The following TACR2 variants were observed in gnomAD, a reference collection of about 807,000 sequenced individuals.
TACR2 encodes the protein substance-K receptor.
In TACR2, 24 loss-of-function variants were observed where a neutral mutation model predicts 28.9. That is an observed-to-expected ratio of 0.83 (90% CI 0.60 to 1.17). TACR2 has a LOEUF of 1.17. Ranked by LOEUF, TACR2 falls within the 50% of genes most tolerant of loss-of-function variation. The pLI is 0.00. For missense variants in TACR2, 487 were observed against 524.4 expected (o/e 0.93, Z 0.70); for synonymous variants, 222 against 212.6 (o/e 1.04, Z -0.38).
intron 4 of TACR2, among the ~76,000 whole-genome samples, 180 bp downstream of exon 4, chr10:69,406,904 C>A (rs541765346): frequency 3.3e-5 from 5 of 152,258 alleles, no homozygotes; most frequent in African/African-American, 1.2e-4. Context: ...TAGGCCCAGG[C>A]CAGAGGGATT....
At position 69,414,568 on chromosome 10, in the gene TACR2, CA is replaced by C. The variant is rs879263392; in HGVS notation, c.587+376del. 1.8e-3 allele frequency among the ~76,000 whole-genome samples: 273 copies of C among 152,224 alleles called. 2 individuals carry two copies. The highest frequency in any genetic ancestry group is 1.2e-3 in the Non-Finnish European group (80 of 68,022). ...GGGCAGGATTGCTTAGATTTGAATC[CA>C]TAGCTGGATTCAAATGACTAGCTGG... On this transcript the variant is annotated intron_variant, in intron 2 of 4. Transcript: ENST00000373306.
At position 69,416,196 on chromosome 10, in the gene TACR2, A is replaced by G; in HGVS notation, c.128T>C (p.Leu43Pro). 2 of 1,614,210 alleles carry G rather than the reference A, an allele frequency of 1.2e-6. No individual in the cohort carries two copies. Among genetic ancestry groups the G allele is most frequent in the Non-Finnish European group, 1.7e-6 (2 of 1,180,046 alleles). The change falls in exon 1 of 5, where the codon CTG (leucine) becomes CCG (proline). Residue 43 changes from leucine (L) to proline (P), a missense_variant. By Grantham distance (98) the Leu-to-Pro change is moderately conservative. Transcript: ENST00000373306. ...LALWATAYLA[L>P]VLVAVTGNAI... ...ATTACCCGTCACGGCCACCAGCACC[A>G]GGGCCAGGTAGGCTGTGGCCCACAG...
At chr10:69,412,109 C>G (rs186957527) in intron 2 of TACR2, among the ~76,000 whole-genome samples, 1 of 152,188 alleles carries the variant, frequency 6.6e-6, no homozygotes, top group Non-Finnish European at 1.5e-5. Context: ...CGTGAGCCAC[C>G]GCGCCTGGCC....
Position 69,407,237 on chromosome 10 carries a change from C to G in TACR2, c.785G>C (p.Cys262Ser). The G allele has an allele frequency of 1.9e-6, 3 of 1,613,668 alleles. No homozygotes were observed. Among genetic ancestry groups the G allele is most frequent in the Non-Finnish European group, 2.5e-6 (3 of 1,179,766 alleles). Reference protein sequence around the residue: ...MVLVVLTFAICWLPYHLYFIL... With the variant: ...MVLVVLTFAISWLPYHLYFIL... ...GAAGTAGAGGTGGTAGGGCAGCCAG[C>G]AGATGGCAAACGTCAGCACCACCAG... The change falls in exon 4 of 5, where the codon TGC becomes TCC. Residue 262 changes from cysteine to serine, a missense_variant. By Grantham distance (112) the Cys-to-Ser change is moderately radical (BLOSUM62 -1). Coordinates refer to ENST00000373306, the MANE Select transcript of TACR2 (RefSeq NM_001057.3).
In TACR2 at chr10:69,416,597, A is replaced by C. The variant is rs1407519257; in HGVS notation, c.-274T>G. ...ATATCATGTGGAAACACAGAATTCA[A>C]ATCACAGTGTCAGAGCAGAAAACAC... On this transcript the variant is annotated 5_prime_UTR_variant, in exon 1 of 5. The change creates a new upstream start codon in the 5' untranslated region. Coordinates refer to ENST00000373306, the MANE Select transcript of TACR2 (RefSeq NM_001057.3). 2.5e-6 allele frequency: 1 copy of C among 399,890 alleles called. No individual in the cohort carries two copies. The highest frequency in any genetic ancestry group is 3.9e-5 in the East Asian group (1 of 25,570). The allele number at this position is 399,890 out of a possible 1,614,324, so 24.8% of individuals were successfully genotyped here. A position where few individuals can be genotyped will look rare whatever the true frequency, so the allele number is the denominator to read the frequency against.
At chr10:69,408,410 G>T (rs930181013) in intron 3 of TACR2, among the ~76,000 whole-genome samples, 1 of 151,962 alleles carries the variant, frequency 6.6e-6, no homozygotes, top group African/African-American at 2.4e-5. Context: ...TGAATTCTAC[G>T]GGGCTTTAGG....
At chr10:69,408,602 C>T (rs572309293) in intron 3 of TACR2, among the ~76,000 whole-genome samples, 1 of 152,300 alleles carries the variant, frequency 6.6e-6, no homozygotes, top group South Asian at 2.1e-4. Context: ...CCGCCGCGCC[C>T]GGCAAGTTTC....
intron 4 of TACR2, among the ~76,000 whole-genome samples, chr10:69,405,528 A>G (rs1840494547): frequency 6.6e-6 from 1 of 152,234 alleles, no homozygotes; most frequent in Non-Finnish European, 1.5e-5. Context: ...CAAGGGGACT[A>G]CATTGAAAAA....
chr10:69,406,021 A>G (rs542354505), intron 4 of TACR2, among the ~76,000 whole-genome samples: 2 of 152,242 alleles, frequency 1.3e-5, no homozygotes, highest in South Asian at 2.1e-4. Flanking sequence ...CTCTCCTATT[A>G]TCTACTTCCC....
chr10:69,409,865 GTATA>G (rs755195281), intron 2 of TACR2, among the ~76,000 whole-genome samples: 1 of 118,972 alleles, frequency 8.4e-6, no homozygotes, highest in Non-Finnish European at 1.7e-5. Flanking sequence ...ATATGTATAT[GTATA>G]TATATATATA....
chr10:69,409,008 CGCTGTAG>C lies in TACR2; in HGVS notation c.648_654del (p.Tyr217SerfsTer27). 1 of 1,607,728 alleles carries C rather than the reference CGCTGTAG, an allele frequency of 6.2e-7. No homozygotes were observed. The highest frequency in any genetic ancestry group is 8.5e-7 in the Non-Finnish European group (1 of 1,178,386). ...CGCCTCCAGAGCGTGAGGCCGATGACGCTGTAGGCTACAAACATCACCGCGAGCGGCA... is the reference window on the plus strand; with the variant it reads ...CGCCTCCAGAGCGTGAGGCCGATGACGCTACAAACATCACCGCGAGCGGCA... On this transcript the variant is annotated frameshift_variant, in exon 3 of 5. Transcript: ENST00000373306. LOFTEE classifies it high-confidence loss of function.
chr10:69,408,818 C>T (rs1840530516), intron 3 of TACR2, 104 bp downstream of exon 3: 1 of 130,432 alleles, frequency 7.7e-6, no homozygotes, highest in African/African-American at 2.8e-5. Context: ...CCCGTCCCAC[C>T]CCCGTCCCAC....
At position 69,407,141 on chromosome 10, in the gene TACR2, C is replaced by A. The variant is rs1036201568; in HGVS notation, c.881G>T (p.Trp294Leu). 1 of 1,614,012 alleles carries A rather than the reference C, an allele frequency of 6.2e-7. No individual in the cohort carries two copies. Among genetic ancestry groups the A allele is most frequent in the Non-Finnish European group, 8.5e-7 (1 of 1,179,976 alleles). The change falls in exon 4 of 5, where the codon TGG (tryptophan) becomes TTG (leucine). Residue 294 changes from tryptophan to leucine, a missense_variant. By Grantham distance (61) the Trp-to-Leu change is moderately conservative. Coordinates refer to ENST00000373306, the MANE Select transcript of TACR2 (RefSeq NM_001057.3). ...GTACATGGTAGAGCTCATGGCCAAC[C>A]AGAAGAGTGCCAGGTAGACTTGCTG... ...FIQQVYLALF[W>L]LAMSSTMYNP...
At position 69,416,301 on chromosome 10, in the gene TACR2, G is replaced by A. The variant is rs529000747; in HGVS notation, c.23C>T (p.Thr8Ile). The A allele has an allele frequency of 9.4e-6, 15 of 1,595,348 alleles. No homozygotes were observed. The South Asian group carries it at 1.6e-4, about 17-fold the overall frequency. ...AGGGCCAGATGAGATATTGGCTTCA[G>A]TCACAATGTCACAGGTCCCCATGGC... is the stretch of plus-strand genomic sequence containing the variant. MGTCDIV[T>I]EANISSGPES... The change falls in exon 1 of 5, where the codon ACT becomes ATT. Residue 8 changes from threonine (T) to isoleucine (I), a missense_variant. Thr to Ile is a moderately conservative substitution (Grantham distance 89). Transcript: ENST00000373306.
chr10:69,410,544 G>A (rs894316278), intron 2 of TACR2, among the ~76,000 whole-genome samples: 3 of 144,888 alleles, frequency 2.1e-5, no homozygotes, highest in Non-Finnish European at 3.0e-5. Flanking sequence ...AAAAACGACA[G>A]TGTCCCCAGT....
At chr10:69,409,904 C>CACATAT (rs1394352857) in intron 2 of TACR2, among the ~76,000 whole-genome samples, 2 of 34,674 alleles carry the variant, frequency 5.8e-5, no homozygotes, top group East Asian at 7.5e-4. Flanking sequence ...TATATATATA[C>CACATAT]ATATATATAT....
At chr10:69,411,509 G>T (rs747079490) in intron 2 of TACR2, among the ~76,000 whole-genome samples, 2 of 152,076 alleles carry the variant, frequency 1.3e-5, no homozygotes, top group Non-Finnish European at 2.9e-5. Context: ...ATTATTTAGG[G>T]GTCATGCAGC....
Position 69,416,271 on chromosome 10 carries a change from C to T in TACR2, c.53G>A (p.Ser18Asn), listed in dbSNP as rs201729201. 3.1e-6 allele frequency: 5 copies of T among 1,611,358 alleles called. No homozygotes were observed. Among genetic ancestry groups the T allele is most frequent in the Non-Finnish European group, 4.2e-6 (5 of 1,178,088 alleles). Reference protein sequence around the residue: ...TEANISSGPESNTTGITAFSM... With the variant: ...TEANISSGPENNTTGITAFSM... ...GAAGGCTGTGATGCCCGTGGTGTTG[C>T]TCTCAGGGCCAGATGAGATATTGGC... The change falls in exon 1 of 5, where the codon AGC becomes AAC. Residue 18 changes from serine to asparagine, a missense_variant. Coordinates refer to ENST00000373306, the MANE Select transcript of TACR2 (RefSeq NM_001057.3).
At chr10:69,408,784 GCCCCGTCCCGC>G (rs767461545) in intron 3 of TACR2, 127 bp downstream of exon 3, 2,083 of 195,248 alleles carry the variant, frequency 0.011, 108 homozygotes, top group African/African-American at 0.048. Flanking sequence ...GCGGGGTCAG[GCCCCGTCCCGC>G]CCCCGTCCCG....
Sources: allele counts gnomAD v4.1 joint callset (sites outside exome capture counted in the v4.1 genomes callset), GRCh38; gene constraint gnomAD v4.1.1; transcripts MANE v1.5; gene names NCBI Gene and HGNC (gene_info 2026-07-23, HGNC 2026-07-21).